CYP51A1: variants seen among roughly 807,000 people sequenced by gnomAD.
The protein encoded by CYP51A1 is lanosterol 14-alpha demethylase.
A neutral mutation model predicts 53.5 loss-of-function variants in CYP51A1; 45 were observed. The ratio of observed to expected loss-of-function variants is 0.84; its 90% CI spans 0.66 to 1.08. The LOEUF is 1.08. Ranked by LOEUF, CYP51A1 falls within the 50% of genes least tolerant of loss-of-function variation. CYP51A1 has a pLI of 0.00. For synonymous variants in CYP51A1, 181 were observed against 217.7 expected (o/e 0.83, Z 1.48); for missense variants, 462 against 621.7 (o/e 0.74, Z 2.73).
At chr7:92,117,917 G>A (rs1163631654) in intron 8 of CYP51A1, among the ~76,000 whole-genome samples, 4 of 151,768 alleles carry the variant, frequency 2.6e-5, no homozygotes, top group Admixed American at 2.6e-4. Flanking sequence ...GAACCCGGGA[G>A]GCGGAGGTTG....
chr7:92,128,545 G>T (rs1304726965), intron 3 of CYP51A1, among the ~76,000 whole-genome samples: 1 of 151,656 alleles, frequency 6.6e-6, no homozygotes, highest in Non-Finnish European at 1.5e-5. Flanking sequence ...GTGCAGTGTT[G>T]TGATCTCGGC....
intron 7 of CYP51A1, among the ~76,000 whole-genome samples, chr7:92,120,654 C>G (rs1819673020): frequency 6.6e-6 from 1 of 152,042 alleles, no homozygotes; most frequent in Non-Finnish European, 1.5e-5. Flanking sequence ...CAGTGTGGGA[C>G]AACTGGATAA....
chr7:92,134,173 C>T lies in CYP51A1; in HGVS notation c.192G>A (p.Val64=). Residue 64 remains valine (V), a splice_region_variant and synonymous_variant, in exon 1 of 10, where the codon GTG becomes GTA. Coordinates refer to ENST00000003100, the MANE Select transcript of CYP51A1 (RefSeq NM_000786.4). ...AGHLVQLPAG[V]KSPPYIFSPI... Reference sequence around the variant, plus strand: ...CTCAGACCCTAAAGAATGTACGTACCACCCCTGCGGGCAGCTGGACCAGGT... The same window carrying T: ...CTCAGACCCTAAAGAATGTACGTACTACCCCTGCGGGCAGCTGGACCAGGT... 1 of 1,611,516 alleles carries T rather than the reference C, an allele frequency of 6.2e-7. No individual in the cohort carries two copies. The highest frequency in any genetic ancestry group is 8.5e-7 in the Non-Finnish European group (1 of 1,179,634).
Position 92,128,969 on chromosome 7 carries a change from T to C in CYP51A1, c.379A>G (p.Lys127Glu). 3 of 1,613,748 alleles carry C rather than the reference T, an allele frequency of 1.9e-6. No homozygotes were observed. Among genetic ancestry groups the C allele is most frequent in the Non-Finnish European group, 2.5e-6 (3 of 1,179,910 alleles). ...SDAAALLFNS[K>E]NEDLNAEDVY... is the part of the protein sequence containing the mutation. ...TCTTCTGCATTCAGGTCTTCATTTT[T>C]ACTATTAAAAAGCAGTGCAGCAGCA... The change falls in exon 3 of 10, where the codon AAA becomes GAA. Residue 127 changes from lysine (K) to glutamate (E), a missense_variant. Lys to Glu is a moderately conservative substitution (Grantham distance 56, BLOSUM62 1). Coordinates refer to ENST00000003100, the MANE Select transcript of CYP51A1 (RefSeq NM_000786.4).
chr7:92,126,084 T>C (rs1246128337), intron 5 of CYP51A1, among the ~76,000 whole-genome samples, 169 bp downstream of exon 5: 3 of 152,234 alleles, frequency 2.0e-5, no homozygotes, highest in Non-Finnish European at 4.4e-5. Context: ...GAGCTCATTA[T>C]ATAAAGAAAA....
At chr7:92,128,053 G>A (rs1271164005) in intron 3 of CYP51A1, among the ~76,000 whole-genome samples, 2 of 152,230 alleles carry the variant, frequency 1.3e-5, no homozygotes, top group Non-Finnish European at 2.9e-5. Context: ...TTTGGCTTTT[G>A]AGGGTAAAAC....
At chr7:92,114,716 C>G (rs934105937) in intron 9 of CYP51A1, among the ~76,000 whole-genome samples, 2 of 152,190 alleles carry the variant, frequency 1.3e-5, no homozygotes, top group Non-Finnish European at 2.9e-5. Flanking sequence ...AGGAGAATAT[C>G]TTCATGACTC....
intron 8 of CYP51A1, 85 bp downstream of exon 8, chr7:92,118,435 C>T (rs1179730911): frequency 2.5e-6 from 2 of 801,880 alleles, no homozygotes; most frequent in East Asian, 2.5e-5. Flanking sequence ...GTTGAGATTA[C>T]AGGTGTGAAC....
intron 2 of CYP51A1, among the ~76,000 whole-genome samples, chr7:92,131,246 A>C (rs1477260851): frequency 1.3e-5 from 2 of 152,346 alleles, no homozygotes; most frequent in African/African-American, 2.4e-5. Flanking sequence ...CTAAATTAAT[A>C]TTGTGGAAGT....
In CYP51A1 at chr7:92,123,782, T is replaced by C; in HGVS notation, c.842A>G (p.Gln281Arg). 6.2e-7 allele frequency: 1 copy of C among 1,606,494 alleles called. No homozygotes were observed. The highest frequency in any genetic ancestry group is 1.3e-5 in the African/African-American group (1 of 74,826). The change falls in exon 6 of 10, where the codon CAA becomes CGA. Residue 281 changes from glutamine to arginine, a missense_variant. Gln to Arg is a conservative substitution (Grantham distance 43). Transcript: ENST00000003100. ...TTGGAGAATGTCATCAATTTTTTCT[T>C]GAGACTGTCTGCGTTTCTGGATTGC... ...YKAIQKRRQS[Q>R]EKIDDILQTL...
chr7:92,114,697 GAGA>G (rs1819547030), intron 9 of CYP51A1, among the ~76,000 whole-genome samples: 1 of 152,156 alleles, frequency 6.6e-6, no homozygotes, highest in Admixed American at 6.5e-5. Flanking sequence ...AATTTCAGTA[GAGA>G]AGAACAGGAG....
rs1160588653 is a variant in CYP51A1 at position 92,119,404 on chromosome 7, T to TG, written c.1087-790dup. On this transcript the variant is annotated intron_variant, in intron 7 of 9. Coordinates refer to ENST00000003100, the MANE Select transcript of CYP51A1 (RefSeq NM_000786.4). ...TGAAGGCAGACTTGTAACTGCCTGT[T>TG]GGAGTGTTAATAACATCCCCTAACA... 5.9e-5 allele frequency among the ~76,000 whole-genome samples: 9 copies of TG among 152,324 alleles called. No individual in the cohort carries two copies. In the South Asian group the frequency reaches 1.2e-3, roughly 21 times the overall value.
chr7:92,114,582 AATAACTAGAT>A (rs972734071), intron 9 of CYP51A1, among the ~76,000 whole-genome samples: 18 of 152,354 alleles, frequency 1.2e-4, no homozygotes, highest in African/African-American at 4.3e-4. Flanking sequence ...AAGGTCCAGG[AATAACTAGAT>A]ATTACATGGG....
intron 2 of CYP51A1, 25 bp downstream of exon 2, chr7:92,131,749 T>TA (rs1554479516): frequency 8.1e-7 from 1 of 1,227,698 alleles, no homozygotes; most frequent in Non-Finnish European, 1.2e-6. Context: ...TTTTTTTTTT[T>TA]CCTCTAATTA....
At chr7:92,125,122 C>T (rs935194509) in intron 5 of CYP51A1, among the ~76,000 whole-genome samples, 7 of 126,620 alleles carry the variant, frequency 5.5e-5, no homozygotes, top group South Asian at 2.4e-4. Context: ...CCAGCCTGGG[C>T]GAGAGAGCAA....
chr7:92,129,092 A>G, intron 2 of CYP51A1, 36 bp from the exon 3 acceptor site: 1 of 1,412,476 alleles, frequency 7.1e-7, no homozygotes, highest in South Asian at 1.4e-5. Flanking sequence ...GATGTTACAA[A>G]AAATATGCAA....
At chr7:92,127,448 C>G in intron 4 of CYP51A1, 57 bp downstream of exon 4, 1 of 1,538,594 alleles carries the variant, frequency 6.5e-7, no homozygotes, top group East Asian at 2.3e-5. Flanking sequence ...ATATACTCTA[C>G]TTTTCTATTC....
At chr7:92,125,903 G>T (rs1179655388) in intron 5 of CYP51A1, among the ~76,000 whole-genome samples, 1 of 152,156 alleles carries the variant, frequency 6.6e-6, no homozygotes, top group Non-Finnish European at 1.5e-5. Flanking sequence ...GATGAGGCAG[G>T]AGAATTGCTT....
At chr7:92,131,705 T>C (rs1456636982) in intron 2 of CYP51A1, 69 bp downstream of exon 2, 1 of 837,834 alleles carries the variant, frequency 1.2e-6, no homozygotes, top group Non-Finnish European at 1.9e-6. Context: ...TGCCACTTTT[T>C]TAAAAAAGTT....
Sources: gnomAD v4.1 joint callset for allele counts (sites outside exome capture counted in the v4.1 genomes callset) on GRCh38, gnomAD v4.1.1 for gene constraint, MANE v1.5 for transcripts, NCBI Gene and HGNC (gene_info 2026-07-23, HGNC 2026-07-21) for gene names.